GPC5: variants seen among roughly 807,000 people sequenced by gnomAD.
GPC5 encodes the protein glypican-5.
A neutral mutation model predicts 53.9 loss-of-function variants in GPC5; 47 were observed. The ratio of observed to expected loss-of-function variants is 0.87; its 90% CI spans 0.69 to 1.11. The LOEUF is 1.11. Ranked by LOEUF, GPC5 falls within the 50% of genes most tolerant of loss-of-function variation. The pLI is 0.00. For missense variants in GPC5, 748 were observed against 713.1 expected, an observed-to-expected ratio of 1.05 and a Z score of -0.56; for synonymous variants, 286 against 263.3, an observed-to-expected ratio of 1.09 and a Z score of -0.84.
intron 5 of GPC5, among the ~76,000 whole-genome samples, chr13:91,893,973 C>A (rs1024491604): frequency 2.2e-5 from 2 of 90,096 alleles, no homozygotes; most frequent in Non-Finnish European, 4.3e-5. Flanking sequence ...TTTTTCTGGC[C>A]CCTGCATGGC....
At chr13:92,605,394 T>C (rs1884215317) in intron 7 of GPC5, among the ~76,000 whole-genome samples, 2 of 152,194 alleles carry the variant, frequency 1.3e-5, no homozygotes, top group Non-Finnish European at 2.9e-5. Flanking sequence ...TGGATTTTAT[T>C]GTTTTCTTCC....
At chr13:92,347,907 T>TA (rs1213729891) in intron 7 of GPC5, among the ~76,000 whole-genome samples, 1 of 15,974 alleles carries the variant, frequency 6.3e-5, no homozygotes, top group African/African-American at 7.6e-4. Context: ...ATATAATATA[T>TA]ATATAATATA....
At chr13:91,585,557 C>G (rs1340638592) in intron 2 of GPC5, among the ~76,000 whole-genome samples, 2 of 152,124 alleles carry the variant, frequency 1.3e-5, no homozygotes, top group Non-Finnish European at 2.9e-5. Context: ...ATTATATTAA[C>G]AGTTAATATG....
At chr13:91,828,238 G>A (rs1359357099) in intron 5 of GPC5, among the ~76,000 whole-genome samples, 1 of 151,910 alleles carries the variant, frequency 6.6e-6, no homozygotes, top group Non-Finnish European at 1.5e-5. Context: ...AAAACTCATT[G>A]AATGGTACAT....
intron 7 of GPC5, among the ~76,000 whole-genome samples, chr13:92,147,717 C>T (rs2041878494): frequency 6.6e-6 from 1 of 152,054 alleles, no homozygotes; most frequent in South Asian, 2.1e-4. Context: ...CAAGCATTTT[C>T]TGAAAATCCA....
chr13:91,634,830 A>C (rs944955806), intron 2 of GPC5, among the ~76,000 whole-genome samples: 3 of 152,124 alleles, frequency 2.0e-5, no homozygotes, highest in Non-Finnish European at 2.9e-5. Context: ...AATGCATATG[A>C]TTAGGCTGAA....
At chr13:92,350,643 T>C (rs1292403850) in intron 7 of GPC5, among the ~76,000 whole-genome samples, 1 of 152,166 alleles carries the variant, frequency 6.6e-6, no homozygotes, top group African/African-American at 2.4e-5. Flanking sequence ...TTGAAAATAA[T>C]GTACTGTAAT....
At chr13:92,456,253 T>G (rs1878264794) in intron 7 of GPC5, among the ~76,000 whole-genome samples, 1 of 152,186 alleles carries the variant, frequency 6.6e-6, no homozygotes, top group Non-Finnish European at 1.5e-5. Context: ...AAAGGAGCAC[T>G]TGCTCTTAAG....
At chr13:91,717,521 A>C (rs1188740968) in intron 3 of GPC5, among the ~76,000 whole-genome samples, 2 of 152,110 alleles carry the variant, frequency 1.3e-5, no homozygotes, top group Non-Finnish European at 2.9e-5. Context: ...GGAAGTGAAA[A>C]GGCGAGATAC....
intron 2 of GPC5, among the ~76,000 whole-genome samples, chr13:91,475,653 A>G (rs1398333868): frequency 6.6e-6 from 1 of 152,130 alleles, no homozygotes; most frequent in Non-Finnish European, 1.5e-5. Context: ...GGATGTGTGT[A>G]GAACTCTTCC....
chr13:91,458,938 T>C lies in GPC5; in HGVS notation c.325+10016T>C, dbSNP rs1222584030. Among the ~76,000 whole-genome samples, 4 of 152,150 alleles carry C rather than the reference T, an allele frequency of 2.6e-5. No homozygotes were observed. In the East Asian group the frequency reaches 7.7e-4, roughly 29 times the overall value. On this transcript the variant is annotated intron_variant, in intron 2 of 7. Transcript: ENST00000377067. ...CCTAGATGGAATTGGAGACCATTTT[T>C]CTAAGTAAAGTAACTCAGGAATCAA...
At chr13:91,775,857 A>G (rs913046014) in intron 5 of GPC5, among the ~76,000 whole-genome samples, 19 of 152,260 alleles carry the variant, frequency 1.2e-4, no homozygotes, top group Admixed American at 2.6e-4. Context: ...TGGCTAAGTG[A>G]AACTGAGAGC....
At chr13:91,478,822 TACACACAC>T (rs1194096313) in intron 2 of GPC5, among the ~76,000 whole-genome samples, 2 of 92,176 alleles carry the variant, frequency 2.2e-5, no homozygotes, top group African/African-American at 1.0e-4. Context: ...TATATATATA[TACACACAC>T]ACACATATAT....
At chr13:91,707,043 C>T (rs566295104) in intron 3 of GPC5, among the ~76,000 whole-genome samples, 7 of 152,122 alleles carry the variant, frequency 4.6e-5, no homozygotes, top group African/African-American at 1.7e-4. Context: ...TTACTGGATA[C>T]ATTTGCTTTA....
intron 7 of GPC5, among the ~76,000 whole-genome samples, chr13:92,460,169 T>G (rs1281804888): frequency 2.0e-5 from 3 of 152,160 alleles, no homozygotes; most frequent in Admixed American, 2.0e-4. Context: ...ATAAAATTCT[T>G]ACCTATTAAT....
At chr13:92,755,534 T>A (rs1223496326) in intron 7 of GPC5, among the ~76,000 whole-genome samples, 4 of 151,536 alleles carry the variant, frequency 2.6e-5, no homozygotes, top group Non-Finnish European at 5.9e-5. Context: ...AATCAATGAA[T>A]CCAGGAGCTG....
chr13:91,648,291 G>C (rs1168915878), intron 2 of GPC5, among the ~76,000 whole-genome samples: 1 of 152,096 alleles, frequency 6.6e-6, no homozygotes, highest in Non-Finnish European at 1.5e-5. Context: ...AGATTTATTG[G>C]AAGAGTGGCA....
intron 6 of GPC5, among the ~76,000 whole-genome samples, chr13:91,920,357 C>G (rs894529579): frequency 6.6e-6 from 1 of 151,930 alleles, no homozygotes; most frequent in Non-Finnish European, 1.5e-5. Flanking sequence ...ACAATCGCAA[C>G]ACACAAAAAG....
At chr13:92,599,209 G>A (rs1883969943) in intron 7 of GPC5, among the ~76,000 whole-genome samples, 1 of 152,130 alleles carries the variant, frequency 6.6e-6, no homozygotes, top group Non-Finnish European at 1.5e-5. Flanking sequence ...GAGATATACA[G>A]ACTTATAGGC....
Sources: allele counts gnomAD v4.1 joint callset (sites outside exome capture counted in the v4.1 genomes callset), GRCh38; gene constraint gnomAD v4.1.1; transcripts MANE v1.5; gene names NCBI Gene and HGNC (gene_info 2026-07-23, HGNC 2026-07-21).